RABEP1: variants seen among roughly 807,000 people sequenced by gnomAD.
The protein encoded by RABEP1 is rabaptin, RAB GTPase binding effector protein 1, also known as rab GTPase-binding effector protein 1.
Under a neutral mutation model 123.4 loss-of-function variants are expected in RABEP1, and 51 were observed. The ratio of observed to expected loss-of-function variants is 0.41; its 90% confidence interval spans 0.33 to 0.52. RABEP1 has a LOEUF of 0.52. Ranked by LOEUF, RABEP1 falls within the 20% of genes least tolerant of loss-of-function variation. The pLI is 0.16. For synonymous variants in RABEP1, 347 were observed against 355.2 expected, an observed-to-expected ratio of 0.98 and a Z score of 0.26; for missense variants, 888 against 996.3, an observed-to-expected ratio of 0.89 and a Z score of 1.46.
chr17:5,337,610 G>T (rs1034199141), intron 4 of RABEP1, among the ~76,000 whole-genome samples: 1 of 152,114 alleles, frequency 6.6e-6, no homozygotes, highest in African/African-American at 2.4e-5. Context: ...GGAGAATGGT[G>T]TGAACCTGGG....
chr17:5,374,996 C>G (rs767927181), intron 13 of RABEP1, among the ~76,000 whole-genome samples: 2 of 151,930 alleles, frequency 1.3e-5, no homozygotes, highest in African/African-American at 4.8e-5. Flanking sequence ...AGGCTGGTCT[C>G]GAACTCCTGA....
intron 5 of RABEP1, among the ~76,000 whole-genome samples, chr17:5,339,000 T>A (rs1394629748): frequency 6.6e-6 from 1 of 151,804 alleles, no homozygotes; most frequent in African/African-American, 2.4e-5. Context: ...TCTACAAAAA[T>A]TTTTTAAAAA....
At chr17:5,282,613 C>T (rs1211269495) in intron 1 of RABEP1, 93 bp downstream of exon 1, 33 of 891,676 alleles carry the variant, frequency 3.7e-5, no homozygotes, top group Non-Finnish European at 4.0e-5. Context: ...GCGGCAAGGG[C>T]GCGCGCAGGC....
intron 12 of RABEP1, among the ~76,000 whole-genome samples, 190 bp from the exon 13 acceptor site, chr17:5,373,124 G>A (rs1377629780): frequency 2.6e-5 from 4 of 152,108 alleles, no homozygotes; most frequent in African/African-American, 9.7e-5. Context: ...TTGCTTCATT[G>A]CCTGTCCCTT....
At chr17:5,362,344 A>G (rs1909623963) in intron 9 of RABEP1, among the ~76,000 whole-genome samples, 1 of 152,218 alleles carries the variant, frequency 6.6e-6, no homozygotes, top group Admixed American at 6.5e-5. Flanking sequence ...TGGGAAAGAT[A>G]AAGTGAGTTG....
chr17:5,316,449 CAAAAAAAAAAA>C (rs386385498), intron 2 of RABEP1, among the ~76,000 whole-genome samples: 15 of 28,584 alleles, frequency 5.2e-4, no homozygotes, highest in Middle Eastern at 0.083. Flanking sequence ...GACTCTGTCT[CAAAAAAAAAAA>C]AAAAAAAAAA....
At chr17:5,375,520 C>T (rs986541271) in intron 13 of RABEP1, among the ~76,000 whole-genome samples, 6 of 151,944 alleles carry the variant, frequency 3.9e-5, no homozygotes, top group Non-Finnish European at 5.9e-5. Flanking sequence ...GGCAAAACCC[C>T]GATGCTACTG....
intron 1 of RABEP1, among the ~76,000 whole-genome samples, chr17:5,308,066 A>G (rs1459233147): frequency 2.6e-5 from 4 of 152,204 alleles, no homozygotes; most frequent in Non-Finnish European, 5.9e-5. Flanking sequence ...CAAATAATCC[A>G]ATATTTAACA....
At chr17:5,381,663 C>G (rs898206612) in intron 17 of RABEP1, 158 bp downstream of exon 17, 2 of 1,304,864 alleles carry the variant, frequency 1.5e-6, no homozygotes, top group African/African-American at 1.5e-5. Flanking sequence ...AAGCCAGAAA[C>G]CTGGTGTGTT....
Position 5,385,493 on chromosome 17 carries a change from T to C in RABEP1, c.*2270T>C, listed in dbSNP as rs773740702. The C allele has an allele frequency of 7.8e-5, 18 of 230,500 alleles. No homozygotes were observed. Among genetic ancestry groups the C allele is most frequent in the Non-Finnish European group, 1.4e-4 (16 of 116,426 alleles). 14.3% of individuals were successfully genotyped at this position (230,500 alleles called of 1,614,324 possible). A position where few individuals can be genotyped will look rare whatever the true frequency, so the allele number is the denominator to read the frequency against. On this transcript the variant is annotated 3_prime_UTR_variant, in exon 18 of 18. Coordinates refer to ENST00000537505, the MANE Select transcript of RABEP1 (RefSeq NM_004703.6). The stretch of plus-strand genomic sequence containing the variant: ...ATAGTAGTACCTTTCAGAACTCACA[T>C]TGGCAAGTGTAAAAAGATGACTTAA...
At chr17:5,343,390 C>G (rs1036680459) in intron 5 of RABEP1, among the ~76,000 whole-genome samples, 1 of 152,034 alleles carries the variant, frequency 6.6e-6, no homozygotes, top group Non-Finnish European at 1.5e-5. Flanking sequence ...TCTTTCTTTA[C>G]AAAAAATACA....
chr17:5,336,377 A>G (rs1567530482), intron 4 of RABEP1: 1 of 432,430 alleles, frequency 2.3e-6, no homozygotes, highest in African/African-American at 2.1e-5. Flanking sequence ...TTAGCATGGT[A>G]CATTTGTCAC....
intron 11 of RABEP1, among the ~76,000 whole-genome samples, chr17:5,366,279 C>G (rs964020395): frequency 6.6e-6 from 1 of 152,124 alleles, no homozygotes; most frequent in Non-Finnish European, 1.5e-5. Flanking sequence ...TTGGGATTTT[C>G]TGTGTGTGAG....
At chr17:5,382,040 A>G (rs1234350564) in intron 17 of RABEP1, among the ~76,000 whole-genome samples, 1 of 151,626 alleles carries the variant, frequency 6.6e-6, no homozygotes, top group Admixed American at 6.6e-5. Context: ...TGACATTTAG[A>G]ATATTGTGCT....
rs182086664 is a variant in RABEP1, at chr17:5,314,305, C to T, written c.163+5483C>T. Among the ~76,000 whole-genome samples the T allele has an allele frequency of 7.6e-3, 953 of 125,854 alleles. 6 individuals are homozygous for T. The highest frequency in any genetic ancestry group is 0.047 in the Middle Eastern group (8 of 170). 82.6% of individuals were successfully genotyped at this position (125,854 alleles called of 152,430 possible). A position where few individuals can be genotyped will look rare whatever the true frequency, so the allele number is the denominator to read the frequency against. ...TTGCCCAGGCTGGAGTGCAGTGGCA[C>T]GATCTTGGCTCACTGCAGCCTCCGC... On this transcript the variant is annotated intron_variant, in intron 2 of 17. Transcript: ENST00000537505.
chr17:5,373,898 C>T lies in RABEP1; in HGVS notation c.2025+444C>T, dbSNP rs190380268. Among the ~76,000 whole-genome samples, 10 of 152,242 alleles carry T rather than the reference C, an allele frequency of 6.6e-5. No individual in the cohort carries two copies. In the East Asian group the frequency reaches 7.7e-4, roughly 12 times the overall value. On this transcript the variant is annotated intron_variant, in intron 13 of 17. Transcript: ENST00000537505. ...GGTCTTTTGTGTCCATGTTCTTTCA[C>T]GTAGCCTTAATGTTTTGAAGATCTA...
intron 8 of RABEP1, among the ~76,000 whole-genome samples, chr17:5,359,378 T>C (rs1240950809): frequency 6.6e-6 from 1 of 151,960 alleles, no homozygotes; most frequent in Non-Finnish European, 1.5e-5. Context: ...CCAGCCAGTC[T>C]GATGTTTTTC....
chr17:5,327,254 A>T (rs1016259259), intron 2 of RABEP1, among the ~76,000 whole-genome samples: 1 of 151,678 alleles, frequency 6.6e-6, no homozygotes, highest in Non-Finnish European at 1.5e-5. Context: ...AGACTGAGGC[A>T]GGAGAATCGC....
intron 1 of RABEP1, among the ~76,000 whole-genome samples, chr17:5,298,656 ATTT>A (rs11355508): frequency 7.0e-5 from 9 of 128,808 alleles, no homozygotes; most frequent in Admixed American, 7.6e-5. Flanking sequence ...CTCCTCCAGG[ATTT>A]TTTTTTTTTT....
Sources: gnomAD v4.1 joint callset for allele counts (sites outside exome capture counted in the v4.1 genomes callset) on GRCh38, gnomAD v4.1.1 for gene constraint, MANE v1.5 for transcripts, NCBI Gene and HGNC (gene_info 2026-07-23, HGNC 2026-07-21) for gene names.